BCKDHB: variants seen among roughly 807,000 people sequenced by gnomAD.
BCKDHB encodes the protein branched chain keto acid dehydrogenase E1 subunit beta.
In BCKDHB, 41 loss-of-function variants were observed where a neutral mutation model predicts 48.5. The observed-to-expected ratio is 0.85, with a 90% CI of 0.66 to 1.10. The LOEUF (loss-of-function observed/expected upper bound fraction) is 1.10, where lower values mean the gene tolerates loss of function less well. Ranked by LOEUF, BCKDHB falls within the 50% of genes least tolerant of loss-of-function variation. The pLI is 0.00. For missense variants in BCKDHB, 496 were observed against 494.2 expected (o/e 1.00, Z -0.03); for synonymous variants, 201 against 174.8 (o/e 1.15, Z -1.18).
chr6:80,409,218 G>T, the BCKDHB span, among the ~76,000 whole-genome samples: 3 of 152,004 alleles, frequency 2.0e-5, no homozygotes, highest in Admixed American at 6.6e-5. Flanking sequence ...CTGAGTTCTA[G>T]TTTGATTGCA....
intron 7 of BCKDHB, among the ~76,000 whole-genome samples, chr6:80,202,695 C>A (rs573685219): frequency 6.7e-6 from 1 of 149,996 alleles, no homozygotes; most frequent in African/African-American, 2.4e-5. Flanking sequence ...TTTTTCTTTC[C>A]TTCCCTCCAT....
chr6:80,311,679 G>A (rs946682362), intron 9 of BCKDHB, among the ~76,000 whole-genome samples: 2 of 152,152 alleles, frequency 1.3e-5, no homozygotes, highest in Non-Finnish European at 2.9e-5. Context: ...ATATAAAACA[G>A]GGAATTTTTT....
At chr6:80,280,734 T>G (rs1728058337) in intron 9 of BCKDHB, among the ~76,000 whole-genome samples, 1 of 152,238 alleles carries the variant, frequency 6.6e-6, no homozygotes, top group South Asian at 2.1e-4. Context: ...TCAAAATGTA[T>G]TCCTGTCCTT....
At chr6:80,252,850 A>T (rs551396325) in intron 8 of BCKDHB, among the ~76,000 whole-genome samples, 2 of 152,272 alleles carry the variant, frequency 1.3e-5, no homozygotes, top group Admixed American at 1.3e-4. Flanking sequence ...TTTAAACAAA[A>T]GTCAGTTAAA....
At chr6:80,137,904 C>T (rs964148342) in intron 3 of BCKDHB, among the ~76,000 whole-genome samples, 2 of 151,500 alleles carry the variant, frequency 1.3e-5, no homozygotes, top group African/African-American at 4.9e-5. Context: ...GGCAACATAG[C>T]AAGATGACCC....
chr6:80,169,956 A>G (rs556617574), intron 5 of BCKDHB: 696 of 1,412,628 alleles, frequency 4.9e-4, no homozygotes, highest in Non-Finnish European at 6.3e-4. Flanking sequence ...TAATATTTAT[A>G]ACATTATATT....
At chr6:80,427,558 A>T in the BCKDHB span, among the ~76,000 whole-genome samples, 2 of 152,112 alleles carry the variant, frequency 1.3e-5, no homozygotes, top group African/African-American at 4.8e-5. Context: ...AGCATTTTTC[A>T]TTCTTTCCTA....
the BCKDHB span, among the ~76,000 whole-genome samples, chr6:80,391,859 C>T: frequency 0.47 from 71,967 of 152,008 alleles, 18,416 homozygotes; most frequent in Non-Finnish European, 0.59. Context: ...GCAACTGTTC[C>T]CTTTTTAAGG....
intron 6 of BCKDHB, among the ~76,000 whole-genome samples, chr6:80,172,652 G>A (rs925574371): frequency 4.6e-5 from 7 of 152,066 alleles, no homozygotes; most frequent in Admixed American, 1.3e-4. Context: ...AATCTGAGGC[G>A]TGTACAGTAT....
chr6:80,434,872 A>G, the BCKDHB span, among the ~76,000 whole-genome samples: 12 of 152,316 alleles, frequency 7.9e-5, no homozygotes, highest in Admixed American at 6.5e-4. Flanking sequence ...GGCTTTGGGC[A>G]GTTTCCTTTT....
the BCKDHB span, among the ~76,000 whole-genome samples, chr6:80,398,791 C>G: frequency 6.6e-6 from 1 of 151,238 alleles, no homozygotes; most frequent in Admixed American, 6.6e-5. Context: ...ACAAAAACAA[C>G]AGCAAAAAAA....
chr6:80,127,525 A>ATTTTT, intron 1 of BCKDHB, 22 bp from the exon 2 acceptor site: 1 of 1,474,700 alleles, frequency 6.8e-7, no homozygotes, highest in Non-Finnish European at 9.4e-7. Context: ...ACACGAAATG[A>ATTTTT]TTTTTTTTTT....
intron 9 of BCKDHB, among the ~76,000 whole-genome samples, chr6:80,331,554 A>G (rs1309644670): frequency 1.3e-5 from 2 of 152,160 alleles, no homozygotes; most frequent in African/African-American, 4.8e-5. Context: ...AGGTAGAGGG[A>G]ACTTTCATGG....
chr6:80,150,372 A>G (rs1269059894), intron 3 of BCKDHB, among the ~76,000 whole-genome samples: 1 of 152,134 alleles, frequency 6.6e-6, no homozygotes, highest in Non-Finnish European at 1.5e-5. Context: ...TGGTTGAATG[A>G]ATGAAGAATG....
intron 9 of BCKDHB, among the ~76,000 whole-genome samples, chr6:80,339,583 G>T (rs956872617): frequency 2.0e-5 from 3 of 152,136 alleles, no homozygotes; most frequent in East Asian, 1.9e-4. Context: ...TAAACAATTG[G>T]AGTTATGCTT....
chr6:80,182,295 A>G lies in BCKDHB; in HGVS notation c.742+10905A>G, dbSNP rs1450842941. Among the ~76,000 whole-genome samples the G allele has an allele frequency of 3.3e-5, 5 of 152,202 alleles. No individual in the cohort carries two copies. The East Asian group carries it at 7.7e-4, about 23-fold the overall frequency. ...CAATTGCCTTTGAATTTGTTTGTAT[A>G]TCTTCTGTGACTGAGTTAATAAACT... On this transcript the variant is annotated intron_variant, in intron 6 of 9. Coordinates refer to ENST00000320393, the MANE Select transcript of BCKDHB (RefSeq NM_183050.4).
chr6:80,295,418 C>T (rs1022409611), intron 9 of BCKDHB, among the ~76,000 whole-genome samples: 3 of 151,848 alleles, frequency 2.0e-5, no homozygotes, highest in East Asian at 1.9e-4. Flanking sequence ...TTTATAAAAC[C>T]GTCAGATCTC....
chr6:80,381,253 GCTCAATGACAC>G, the BCKDHB span, among the ~76,000 whole-genome samples: 1 of 151,854 alleles, frequency 6.6e-6, no homozygotes, highest in Admixed American at 6.6e-5. Context: ...ATTCCATCAA[GCTCAATGACAC>G]CTCTGAGAAT....
At chr6:80,276,002 C>T (rs1777955395) in intron 9 of BCKDHB, among the ~76,000 whole-genome samples, 1 of 151,904 alleles carries the variant, frequency 6.6e-6, no homozygotes, top group Non-Finnish European at 1.5e-5. Flanking sequence ...AGCCAACTTT[C>T]TGGGACAGCA....
Sources: allele counts gnomAD v4.1 joint callset (sites outside exome capture counted in the v4.1 genomes callset), GRCh38; gene constraint gnomAD v4.1.1; transcripts MANE v1.5; gene names NCBI Gene and HGNC (gene_info 2026-07-23, HGNC 2026-07-21).